EPHA3: variants seen among roughly 807,000 people sequenced by gnomAD.
EPHA3 encodes the protein ephrin type-A receptor 3.
Under a neutral mutation model 107.1 loss-of-function variants are expected in EPHA3, and 42 were observed. The ratio of observed to expected loss-of-function variants is 0.39; its 90% CI spans 0.31 to 0.51. The LOEUF (loss-of-function observed/expected upper bound fraction) is 0.51. EPHA3 is among the 20% of genes least tolerant of loss of function. The probability of loss-of-function intolerance (pLI) is 0.78; values close to 1 mark genes in which losing one functional copy is unlikely to be tolerated. For synonymous variants in EPHA3, 461 were observed against 424.8 expected (o/e 1.09, Z -1.05); for missense variants, 1,183 against 1,211.2 (o/e 0.98, Z 0.35).
intron 3 of EPHA3, among the ~76,000 whole-genome samples, chr3:89,326,503 C>T (rs1707168980): frequency 6.6e-6 from 1 of 152,100 alleles, no homozygotes; most frequent in African/African-American, 2.4e-5. Flanking sequence ...GGTCCTCCCA[C>T]ATCAGCCTCC....
At chr3:89,451,095 C>G (rs1288657739) in intron 15 of EPHA3, among the ~76,000 whole-genome samples, 3 of 152,108 alleles carry the variant, frequency 2.0e-5, no homozygotes, top group African/African-American at 4.8e-5. Flanking sequence ...AATTACTTTG[C>G]TAGACACCAT....
At position 89,457,985 on chromosome 3, in the gene EPHA3, G is replaced by A. The variant is rs147295593; in HGVS notation, c.2690+7615G>A. ...TCTGAATGTGGAGCCTTTGAGATCAGCCTTCTCATTGACAGTGGTAGGAAG... is the reference window on the plus strand; with the variant it reads ...TCTGAATGTGGAGCCTTTGAGATCAACCTTCTCATTGACAGTGGTAGGAAG... On this transcript the variant is annotated intron_variant, in intron 15 of 16. Transcript: ENST00000336596. Among the ~76,000 whole-genome samples the A allele has an allele frequency of 5.0e-4, 76 of 152,308 alleles. 2 individuals carry two copies. The East Asian group carries it at 0.012, about 24-fold the overall frequency.
At chr3:89,371,721 T>C (rs1429179014) in intron 5 of EPHA3, among the ~76,000 whole-genome samples, 2 of 147,592 alleles carry the variant, frequency 1.4e-5, no homozygotes, top group East Asian at 2.0e-4. Context: ...GTGATACACA[T>C]ACACACACAC....
chr3:89,405,912 G>A (rs1295653543), intron 7 of EPHA3, among the ~76,000 whole-genome samples: 7 of 152,078 alleles, frequency 4.6e-5, no homozygotes, highest in Non-Finnish European at 1.0e-4. Flanking sequence ...GATTCTAAAT[G>A]GCTTTTACAC....
At chr3:89,251,117 T>C (rs1455440393) in intron 3 of EPHA3, among the ~76,000 whole-genome samples, 2 of 152,216 alleles carry the variant, frequency 1.3e-5, no homozygotes, top group African/African-American at 4.8e-5. Flanking sequence ...CCTTGAAAAT[T>C]TAGAAGTCTT....
In EPHA3 at chr3:89,231,439, G is replaced by A. The variant is rs563664172; in HGVS notation, c.814+20919G>A. On this transcript the variant is annotated intron_variant, in intron 3 of 16. Transcript: ENST00000336596. ...TTTTCTATTAAATACCTAATTTAGA[G>A]AGAAAGCAATTTGTTTGCTATTTGC... 4.8e-4 allele frequency among the ~76,000 whole-genome samples: 73 copies of A among 152,266 alleles called. 1 individual carries two copies. The highest frequency in any genetic ancestry group is 4.8e-3 in the Admixed American group (73 of 15,284).
chr3:89,116,336 G>C (rs1707252458), intron 1 of EPHA3, among the ~76,000 whole-genome samples: 1 of 152,052 alleles, frequency 6.6e-6, no homozygotes, highest in African/African-American at 2.4e-5. Context: ...TATCTTAAAG[G>C]TCAGTAATAG....
At chr3:89,285,956 A>G (rs985199420) in intron 3 of EPHA3, among the ~76,000 whole-genome samples, 4 of 152,110 alleles carry the variant, frequency 2.6e-5, no homozygotes, top group African/African-American at 9.7e-5. Context: ...TCAGGCAATC[A>G]TGATAGATGA....
chr3:89,237,022 G>A (rs6770978), intron 3 of EPHA3, among the ~76,000 whole-genome samples: 77,148 of 151,976 alleles, frequency 0.51, 20,781 homozygotes, highest in African/African-American at 0.69. Flanking sequence ...GGATCGAATG[G>A]ATAAATGAAT....
At chr3:89,135,378 G>A (rs937906730) in intron 2 of EPHA3, among the ~76,000 whole-genome samples, 1 of 152,066 alleles carries the variant, frequency 6.6e-6, no homozygotes, top group African/African-American at 2.4e-5. Flanking sequence ...AGCTGTGTGA[G>A]GCCAATCCCC....
chr3:89,118,739 T>C (rs1246701923), intron 1 of EPHA3, among the ~76,000 whole-genome samples: 9 of 151,976 alleles, frequency 5.9e-5, no homozygotes, highest in African/African-American at 2.2e-4. Context: ...ACAGTACTTA[T>C]CTGAGGATTA....
In EPHA3 at chr3:89,413,296, G is replaced by T. The variant is rs1380819935; in HGVS notation, c.1888+30G>T. On this transcript the variant is annotated intron_variant, in intron 10 of 16. Coordinates refer to ENST00000336596, the MANE Select transcript of EPHA3 (RefSeq NM_005233.6). ...CCACAATGACCCTACTGCCAACTTA[G>T]TACTGTATGTGAATCACGATTGCTC... The T allele has an allele frequency of 1.9e-6, 3 of 1,610,444 alleles. No individual in the cohort carries two copies. The Admixed American group carries it at 5.0e-5, about 27-fold the overall frequency.
intron 3 of EPHA3, among the ~76,000 whole-genome samples, chr3:89,319,598 G>A (rs1296638723): frequency 2.0e-5 from 3 of 151,830 alleles, no homozygotes; most frequent in Non-Finnish European, 4.4e-5. Flanking sequence ...GCTCATAGAA[G>A]CTCAGCACAA....
chr3:89,324,125 A>G (rs771336359), intron 3 of EPHA3, among the ~76,000 whole-genome samples: 6 of 150,954 alleles, frequency 4.0e-5, no homozygotes, highest in Non-Finnish European at 7.4e-5. Flanking sequence ...ATAGTTCCCA[A>G]CTGCTCAATG....
chr3:89,234,689 C>G (rs1704711505), intron 3 of EPHA3, among the ~76,000 whole-genome samples: 1 of 151,266 alleles, frequency 6.6e-6, no homozygotes, highest in African/African-American at 2.4e-5. Flanking sequence ...CTCCTTTCCT[C>G]CTTTCCTTCC....
At chr3:89,335,063 A>C (rs1250768822) in intron 3 of EPHA3, among the ~76,000 whole-genome samples, 1 of 152,202 alleles carries the variant, frequency 6.6e-6, no homozygotes, top group East Asian at 1.9e-4. Flanking sequence ...CTCCTTTTTA[A>C]AAGCTGGGAT....
chr3:89,368,333 G>A (rs758046384), intron 5 of EPHA3, among the ~76,000 whole-genome samples: 1 of 150,516 alleles, frequency 6.6e-6, no homozygotes, highest in Non-Finnish European at 1.5e-5. Flanking sequence ...TAGTATATTA[G>A]TTAGGGCACT....
chr3:89,293,941 A>G (rs1278285927), intron 3 of EPHA3, among the ~76,000 whole-genome samples: 2 of 152,144 alleles, frequency 1.3e-5, no homozygotes, highest in African/African-American at 4.8e-5. Context: ...GAGTATGGCT[A>G]TGTTCTAATA....
chr3:89,287,468 C>G, intron 3 of EPHA3, among the ~76,000 whole-genome samples: 1 of 151,896 alleles, frequency 6.6e-6, no homozygotes, highest in Non-Finnish European at 1.5e-5. Context: ...GTGACATCTA[C>G]GAGGTTTGGA....
Sources: allele counts gnomAD v4.1 joint callset (sites outside exome capture counted in the v4.1 genomes callset), GRCh38; gene constraint gnomAD v4.1.1; transcripts MANE v1.5; gene names NCBI Gene and HGNC (gene_info 2026-07-23, HGNC 2026-07-21).